The following SYNJ2 variants were observed in gnomAD, a reference collection of about 807,000 sequenced individuals.
SYNJ2 encodes polyphosphatidylinositol phosphatase SYNJ2.
SYNJ2 carries 116 observed loss-of-function variants against 141.3 expected under a neutral mutation model. The ratio of observed to expected loss-of-function variants is 0.82; its 90% CI spans 0.71 to 0.96. SYNJ2 has a LOEUF of 0.96. Among genes scored for constraint, SYNJ2 ranks in the 40% least tolerant of loss-of-function variants. The probability of loss-of-function intolerance (pLI) is 0.00; values close to 1 mark genes in which losing one functional copy is unlikely to be tolerated. For missense variants in SYNJ2, 1,873 were observed against 1,934.8 expected (o/e 0.97, Z 0.60); for synonymous variants, 745 against 777.7 (o/e 0.96, Z 0.70).
intron 4 of SYNJ2, among the ~76,000 whole-genome samples, chr6:158,035,759 G>C (rs1779604512): frequency 6.6e-6 from 1 of 152,150 alleles, no homozygotes; most frequent in Admixed American, 6.5e-5. Flanking sequence ...TGCCCATTCA[G>C]TATGGTGTTG....
Position 157,981,916 on chromosome 6 carries a change from C to T in SYNJ2, c.-46C>T. The T allele has an allele frequency of 1.6e-6, 2 of 1,221,000 alleles. No individual in the cohort carries two copies. The highest frequency in any genetic ancestry group is 2.0e-6 in the Non-Finnish European group (2 of 980,192). The allele number at this position is 1,221,000 out of a possible 1,614,324, so 75.6% of individuals were successfully genotyped here. The stretch of plus-strand genomic sequence containing the variant: ...GGAGCTGTCGCGGGCAGCGCGCCCT[C>T]GGGAGGACGTGGCCCCGGCCCCCGC... On this transcript the variant is annotated 5_prime_UTR_variant, in exon 1 of 27. Coordinates refer to ENST00000355585, the MANE Select transcript of SYNJ2 (RefSeq NM_003898.4). The surrounding 1 kb of genome is among the most constrained non-coding windows in gnomAD (Gnocchi z 6.4).
intron 7 of SYNJ2, among the ~76,000 whole-genome samples, chr6:158,059,726 T>C (rs2128360679): frequency 6.6e-6 from 1 of 152,206 alleles, no homozygotes; most frequent in East Asian, 1.9e-4. Flanking sequence ...GGCTAATTTT[T>C]GTATTTTTAG....
At chr6:158,006,489 G>A (rs537344546) in intron 1 of SYNJ2, among the ~76,000 whole-genome samples, 11 of 152,138 alleles carry the variant, frequency 7.2e-5, no homozygotes, top group Non-Finnish European at 1.5e-5. Context: ...TCTCCTGGCC[G>A]CCAGGATGCC....
At chr6:157,991,908 ATTGATTAAAATATGGACTGTGC>A (rs1351123825) in intron 1 of SYNJ2, among the ~76,000 whole-genome samples, 16 of 109,306 alleles carry the variant, frequency 1.5e-4, no homozygotes, top group Non-Finnish European at 2.3e-4. Context: ...ATGCCAAGGG[ATTGATTAAAATATGGACTGTGC>A]TGATTCCATG....
At chr6:157,981,748 G>A, upstream of SYNJ2, 1 of 346,326 alleles carries the variant, frequency 2.9e-6, no homozygotes, top group Non-Finnish European at 5.0e-6. This position sits in a 1 kb window ranked among gnomAD's most constrained non-coding sequence, Gnocchi z 6.4. Context: ...GGGGCCGGGC[G>A]GGAGGCGGCG....
chr6:158,053,541 C>G (rs1780682562), intron 5 of SYNJ2, among the ~76,000 whole-genome samples: 2 of 151,846 alleles, frequency 1.3e-5, no homozygotes, highest in African/African-American at 4.8e-5. Context: ...CTGATTCACC[C>G]ATCTGTCACC....
chr6:158,033,607 G>A lies in SYNJ2; in HGVS notation c.638G>A (p.Arg213His), dbSNP rs140274772. The change falls in exon 4 of 27, where the codon CGC becomes CAC. Residue 213 changes from arginine to histidine, a missense_variant. Coordinates refer to ENST00000355585, the MANE Select transcript of SYNJ2 (RefSeq NM_003898.4). ...CTCGTCTCTCGCGTTAGCTGTGAGC[G>A]CACAGGCACTCGCTTCCACACCCGT... is the stretch of plus-strand genomic sequence containing the variant. ...ACLVSRVSCERTGTRFHTRGV... is the reference protein window; with the variant it reads ...ACLVSRVSCEHTGTRFHTRGV... The A allele has an allele frequency of 9.9e-6, 16 of 1,613,704 alleles. No homozygotes were observed. Among genetic ancestry groups the A allele is most frequent in the Middle Eastern group, 1.6e-4 (1 of 6,062 alleles).
At chr6:158,077,846 C>A (rs4523112) in intron 17 of SYNJ2, 105,136 of 200,866 alleles carry the variant, frequency 0.52, 28,279 homozygotes, top group African/African-American at 0.64. Flanking sequence ...TCTTACCATA[C>A]CAATTGCTGC....
At chr6:158,029,122 AC>A in intron 3 of SYNJ2, 96 bp downstream of exon 3, 1 of 1,320,544 alleles carries the variant, frequency 7.6e-7, no homozygotes, top group Non-Finnish European at 9.7e-7. Context: ...CACTTGCACC[AC>A]CCCCGGGTTA....
chr6:158,002,111 C>T (rs889938832), intron 1 of SYNJ2: 2 of 152,404 alleles, frequency 1.3e-5, no homozygotes, highest in African/African-American at 4.8e-5. Context: ...GCATTTTCTT[C>T]GCTTGGCTTG....
chr6:158,093,079 A>G lies in SYNJ2; in HGVS notation c.3719A>G (p.Lys1240Arg). The part of the protein sequence containing the change: ...RPPPRVPAIK[K>R]PTLRRTGKPL... ...CCACCCAGAGTTCCTGCCATCAAGA[A>G]GCCAACCTTGAGAAGGACAGGAAAG... The change falls in exon 26 of 27, where the codon AAG (lysine) becomes AGG (arginine). Residue 1240 changes from lysine to arginine, a missense_variant. Physicochemically the swap from Lys to Arg is conservative, Grantham distance 26. Transcript: ENST00000355585. 1 of 1,609,606 alleles carries G rather than the reference A, an allele frequency of 6.2e-7. No individual in the cohort carries two copies. The highest frequency in any genetic ancestry group is 8.5e-7 in the Non-Finnish European group (1 of 1,178,876).
At chr6:158,025,400 G>T (rs1327077206) in intron 2 of SYNJ2, among the ~76,000 whole-genome samples, 1 of 152,204 alleles carries the variant, frequency 6.6e-6, no homozygotes, top group Non-Finnish European at 1.5e-5. Context: ...AGCAGGCCAG[G>T]TGCAGTGGTT....
chr6:158,001,260 G>C (rs1562315632), intron 1 of SYNJ2: 1 of 152,022 alleles, frequency 6.6e-6, no homozygotes, highest in Non-Finnish European at 1.5e-5. Flanking sequence ...AAATCTTCCT[G>C]CATTTCCCCA....
chr6:157,992,401 CTTTTTTT>C (rs57905567), intron 1 of SYNJ2, among the ~76,000 whole-genome samples: 12 of 120,400 alleles, frequency 1.0e-4, no homozygotes, highest in East Asian at 9.7e-4. Context: ...TGGCTTGTTT[CTTTTTTT>C]TTTTTTTTTT....
At chr6:158,019,112 A>G (rs1778625286) in intron 2 of SYNJ2, among the ~76,000 whole-genome samples, 1 of 152,192 alleles carries the variant, frequency 6.6e-6, no homozygotes, top group Admixed American at 6.5e-5. Context: ...ACATGGTAGT[A>G]TCTGGGCCCC....
At chr6:157,996,925 T>G (rs1777652819) in intron 1 of SYNJ2, among the ~76,000 whole-genome samples, 1 of 152,176 alleles carries the variant, frequency 6.6e-6, no homozygotes, top group African/African-American at 2.4e-5. Flanking sequence ...CTTTTCTTTA[T>G]AAATTACCCA....
chr6:158,086,163 G>A (rs1712360688), intron 22 of SYNJ2, among the ~76,000 whole-genome samples: 1 of 152,146 alleles, frequency 6.6e-6, no homozygotes, highest in African/African-American at 2.4e-5. Context: ...GGACACATGG[G>A]GTGGAGCTGC....
chr6:158,014,261 G>A (rs1309884928), intron 1 of SYNJ2, among the ~76,000 whole-genome samples: 5 of 152,214 alleles, frequency 3.3e-5, no homozygotes, highest in African/African-American at 1.2e-4. Flanking sequence ...TAGGTGTATT[G>A]AATGCATTGT....
Position 158,064,800 on chromosome 6 carries a change from C to T in SYNJ2, c.1360-26C>T, listed in dbSNP as rs539639826. On this transcript the variant is annotated intron_variant, in intron 10 of 26. Transcript: ENST00000355585. ...GTGGGGGCCCCAGGGACCCCCCTCA[C>T]GGCCTGCGGTCTGGGCTCTCGGCAG... 211 of 1,610,308 alleles carry T rather than the reference C, an allele frequency of 1.3e-4. 1 individual carries two copies. In the South Asian group the frequency reaches 2.1e-3, roughly 16 times the overall value.
Sources: allele counts gnomAD v4.1 joint callset (sites outside exome capture counted in the v4.1 genomes callset), GRCh38; gene constraint gnomAD v4.1.1; non-coding constraint Gnocchi (gnomAD v3.1); transcripts MANE v1.5; gene names NCBI Gene and HGNC (gene_info 2026-07-23, HGNC 2026-07-21).